MYO5A: variants seen among roughly 807,000 people sequenced by gnomAD.
MYO5A encodes myosin VA.
A neutral mutation model predicts 249.7 loss-of-function variants in MYO5A; 98 were observed. The observed-to-expected ratio is 0.39, with a 90% CI of 0.33 to 0.46. The LOEUF (loss-of-function observed/expected upper bound fraction) is 0.46. Among genes scored for constraint, MYO5A ranks in the 20% least tolerant of loss-of-function variants. The probability of loss-of-function intolerance (pLI) is 0.98; values close to 1 mark genes in which losing one functional copy is unlikely to be tolerated. For synonymous variants in MYO5A, 778 were observed against 810.6 expected, an observed-to-expected ratio of 0.96 and a Z score of 0.68; for missense variants, 1,696 against 2,308.8, an observed-to-expected ratio of 0.73 and a Z score of 5.44.
chr15:52,358,801 A>C (rs1198652887), intron 25 of MYO5A, among the ~76,000 whole-genome samples: 1 of 152,212 alleles, frequency 6.6e-6, no homozygotes, highest in Non-Finnish European at 1.5e-5. Context: ...TTAAAAAAAA[A>C]ACACTAAAAC....
At chr15:52,450,316 C>A (rs1006036537) in intron 1 of MYO5A, among the ~76,000 whole-genome samples, 3 of 151,670 alleles carry the variant, frequency 2.0e-5, no homozygotes, top group Admixed American at 6.6e-5. Flanking sequence ...GTGCTTAGTA[C>A]GTAGAAGGCA....
At chr15:52,528,998 C>T, upstream of MYO5A, 2 of 293,024 alleles carry the variant, frequency 6.8e-6, no homozygotes, top group East Asian at 9.4e-5. Flanking sequence ...GGGGCCTCGC[C>T]ATCACTCCCG....
chr15:52,343,517 T>C (rs2039474558), intron 30 of MYO5A, among the ~76,000 whole-genome samples: 1 of 152,228 alleles, frequency 6.6e-6, no homozygotes, highest in Non-Finnish European at 1.5e-5. Context: ...AGCAAAGTGA[T>C]CTAATACATC....
intron 1 of MYO5A, among the ~76,000 whole-genome samples, chr15:52,434,114 C>G (rs1395720850): frequency 6.6e-6 from 1 of 151,778 alleles, no homozygotes; most frequent in African/African-American, 2.4e-5. Flanking sequence ...ATTCTCCTGC[C>G]TCAGCCTCAC....
In MYO5A at chr15:52,492,183, A is replaced by C. The variant is rs2076948176; in HGVS notation, c.27+36597T>G. ...TAGAGATAATCTGTCAGGGATCCCC[A>C]GACCACACCCAGGTTTGGTGATTTG... On this transcript the variant is annotated intron_variant, in intron 1 of 41. Coordinates refer to ENST00000399233, the MANE Select transcript of MYO5A (RefSeq NM_001382347.1). Among the ~76,000 whole-genome samples the C allele has an allele frequency of 2.0e-5, 3 of 152,338 alleles. No individual in the cohort carries two copies. The South Asian group carries it at 6.2e-4, about 32-fold the overall frequency.
chr15:52,371,055 G>A (rs1290117847), intron 21 of MYO5A, among the ~76,000 whole-genome samples: 1 of 151,942 alleles, frequency 6.6e-6, no homozygotes, highest in Non-Finnish European at 1.5e-5. Context: ...TGAGGCTGTA[G>A]TGAGCCGTGA....
At chr15:52,523,877 C>T (rs1274195097) in intron 1 of MYO5A, among the ~76,000 whole-genome samples, 1 of 152,202 alleles carries the variant, frequency 6.6e-6, no homozygotes, top group Non-Finnish European at 1.5e-5. Context: ...GATGAGATTT[C>T]TGTTCCTCTT....
chr15:52,517,742 A>G lies in MYO5A; in HGVS notation c.27+11038T>C, dbSNP rs986877939. 6.6e-5 allele frequency among the ~76,000 whole-genome samples: 10 copies of G among 152,330 alleles called. No individual in the cohort carries two copies. The East Asian group carries it at 1.7e-3, about 26-fold the overall frequency. Reference sequence around the variant, plus strand: ...ATATATATACAGATATATTTTTTCAACGAATATTTATTGATATAAATTCTC... The same window carrying G: ...ATATATATACAGATATATTTTTTCAGCGAATATTTATTGATATAAATTCTC... On this transcript the variant is annotated intron_variant, in intron 1 of 41. Transcript: ENST00000399233.
intron 1 of MYO5A, among the ~76,000 whole-genome samples, chr15:52,442,482 T>C (rs2075802962): frequency 6.6e-6 from 1 of 152,206 alleles, no homozygotes. Flanking sequence ...AGGAGCTGAA[T>C]GACAACCAAC....
chr15:52,351,258 G>T lies in MYO5A; in HGVS notation c.3845C>A (p.Pro1282His), dbSNP rs756909154. ...QLVSQKEAIQ[P>H]KDDKNTMTDS... is the part of the protein sequence containing the mutation. ...TAATTGTGTGCTTGCGCTTACCTTG[G>T]GTTGGATGGCCTCTTTCTGGCTCAC... The change falls in exon 28 of 42, where the codon CCC (proline) becomes CAC (histidine). Residue 1282 changes from proline to histidine, a missense_variant. Around this residue, in one of 5 missense-constraint regions of MYO5A, gnomAD observed 625 missense variants for 908.1 expected, o/e 0.69. Coordinates refer to ENST00000399233, the MANE Select transcript of MYO5A (RefSeq NM_001382347.1). The T allele has an allele frequency of 4.3e-6, 7 of 1,613,890 alleles. No individual in the cohort carries two copies. Among genetic ancestry groups the T allele is most frequent in the Non-Finnish European group, 3.4e-6 (4 of 1,179,852 alleles).
intron 5 of MYO5A, among the ~76,000 whole-genome samples, chr15:52,412,392 A>G (rs555686045): frequency 6.6e-6 from 1 of 152,348 alleles, no homozygotes; most frequent in South Asian, 2.1e-4. Flanking sequence ...TTCAAATAAA[A>G]TGTATTTAAA....
In MYO5A at chr15:52,334,878, T is replaced by C. The variant is rs148266896; in HGVS notation, c.4408+1585A>G. On this transcript the variant is annotated intron_variant, in intron 34 of 41. Transcript: ENST00000399233. ...TTGTGGTACACAGAGAGCAGAACCATAACGTCTGTCTGGGTAATCAGGAAA... is the reference window on the plus strand; with the variant it reads ...TTGTGGTACACAGAGAGCAGAACCACAACGTCTGTCTGGGTAATCAGGAAA... Among the ~76,000 whole-genome samples, 901 of 152,270 alleles carry C rather than the reference T, an allele frequency of 5.9e-3. 10 individuals carry two copies. The highest frequency in any genetic ancestry group is 0.021 in the African/African-American group (862 of 41,558).
At chr15:52,449,379 C>G (rs2075967013) in intron 1 of MYO5A, among the ~76,000 whole-genome samples, 1 of 152,164 alleles carries the variant, frequency 6.6e-6, no homozygotes, top group Non-Finnish European at 1.5e-5. Flanking sequence ...CCTCTCCTGG[C>G]CTTGCATTCA....
At chr15:52,316,984 T>C (rs1021104323) in intron 40 of MYO5A, 64 bp downstream of exon 40, 4 of 1,544,852 alleles carry the variant, frequency 2.6e-6, no homozygotes, top group Non-Finnish European at 3.6e-6. Context: ...AGGACTTCTT[T>C]ACTTCCCTAA....
intron 1 of MYO5A, among the ~76,000 whole-genome samples, chr15:52,454,726 G>T (rs907155206): frequency 9.9e-5 from 15 of 152,158 alleles, no homozygotes; most frequent in African/African-American, 3.4e-4. Flanking sequence ...AATGACCAAA[G>T]GGTCAATTTA....
chr15:52,327,062 G>C (rs1055209888), intron 36 of MYO5A, among the ~76,000 whole-genome samples: 4 of 152,140 alleles, frequency 2.6e-5, no homozygotes, highest in African/African-American at 9.7e-5. Context: ...CATGGAACCA[G>C]GCATTTTAGG....
chr15:52,322,164 G>T (rs1428806326), intron 37 of MYO5A, among the ~76,000 whole-genome samples: 3 of 152,216 alleles, frequency 2.0e-5, no homozygotes, highest in African/African-American at 7.2e-5. Context: ...TTACTCTGAG[G>T]ATTCTCCCTA....
intron 1 of MYO5A, among the ~76,000 whole-genome samples, chr15:52,453,868 A>G (rs2076068481): frequency 6.6e-6 from 1 of 152,164 alleles, no homozygotes. Flanking sequence ...TATGAAAAAT[A>G]CAGTAAAAAT....
intron 15 of MYO5A, among the ~76,000 whole-genome samples, chr15:52,383,608 T>C (rs1470584380): frequency 6.6e-6 from 1 of 152,144 alleles, no homozygotes; most frequent in African/African-American, 2.4e-5. Context: ...TGACAAAGGA[T>C]AGGCAGAGAG....
Sources: allele counts gnomAD v4.1 joint callset (sites outside exome capture counted in the v4.1 genomes callset), GRCh38; gene constraint gnomAD v4.1.1; regional missense constraint gnomAD v4.1.1; transcripts MANE v1.5; gene names NCBI Gene and HGNC (gene_info 2026-07-23, HGNC 2026-07-21).